Variants in DPH6 observed in about 807,000 individuals in gnomAD.
The protein encoded by DPH6 is diphthine--ammonia ligase.
DPH6 carries 33 observed loss-of-function variants against 38.2 expected under a neutral mutation model. The ratio of observed to expected loss-of-function variants is 0.86; its 90% CI spans 0.65 to 1.15. DPH6 has a LOEUF of 1.15. Among genes scored for constraint, DPH6 ranks in the 50% most tolerant of loss-of-function variants. The probability of loss-of-function intolerance (pLI) is 0.00; values close to 1 mark genes in which losing one functional copy is unlikely to be tolerated. For synonymous variants in DPH6, 108 were observed against 103.0 expected (o/e 1.05, Z -0.30); for missense variants, 325 against 320.0 (o/e 1.02, Z -0.12).
rs1006954902 is a variant in DPH6, at chr15:35,411,143, T to C, written c.506-247A>G. Among the ~76,000 whole-genome samples the C allele has an allele frequency of 2.6e-5, 4 of 151,822 alleles. No individual in the cohort carries two copies. In the East Asian group the frequency reaches 7.8e-4, roughly 29 times the overall value. On this transcript the variant is annotated intron_variant, in intron 5 of 8. Transcript: ENST00000256538. The stretch of plus-strand genomic sequence containing the variant: ...TGCACTGTGTCAACTACCAGACGCA[T>C]TGTTTCAATTCCTTTATCCATTTTG...
At chr15:35,384,998 C>A (rs190303629) in intron 6 of DPH6, among the ~76,000 whole-genome samples, 3 of 152,170 alleles carry the variant, frequency 2.0e-5, no homozygotes, top group East Asian at 3.9e-4. Context: ...ATTTATGCGG[C>A]CAACAAACAT....
At chr15:35,301,260 G>T (rs1346170098) in intron 3 of DPH6, among the ~76,000 whole-genome samples, 1 of 152,174 alleles carries the variant, frequency 6.6e-6, no homozygotes, top group Non-Finnish European at 1.5e-5. Flanking sequence ...AAAGTGAAAG[G>T]AGGAGCTATT....
chr15:35,422,307 G>C (rs1421623327), intron 5 of DPH6, among the ~76,000 whole-genome samples: 1 of 151,844 alleles, frequency 6.6e-6, no homozygotes, highest in South Asian at 2.1e-4. Context: ...TAGATGAAAT[G>C]AGAAGAGAAG....
At chr15:35,483,884 G>A (rs920841984) in intron 3 of DPH6, among the ~76,000 whole-genome samples, 1 of 152,148 alleles carries the variant, frequency 6.6e-6, no homozygotes, top group East Asian at 1.9e-4. Context: ...TGTGTACAAC[G>A]TGAATGAACC....
intron 6 of DPH6, chr15:35,401,611 C>G (rs987101149): frequency 1.3e-6 from 1 of 762,122 alleles, no homozygotes; most frequent in African/African-American, 1.7e-5. Context: ...TTACAACAAT[C>G]ATCTTCGAAT....
intron 3 of DPH6, among the ~76,000 whole-genome samples, chr15:35,502,739 G>C (rs1385559212): frequency 1.3e-5 from 2 of 151,450 alleles, no homozygotes. Flanking sequence ...GCAACAATAT[G>C]TTACACAGTT....
intron 6 of DPH6, among the ~76,000 whole-genome samples, chr15:35,385,772 A>T (rs895217427): frequency 1.3e-5 from 2 of 152,194 alleles, no homozygotes; most frequent in Non-Finnish European, 2.9e-5. Flanking sequence ...ATAATAATAA[A>T]AAAAGGCAAT....
chr15:35,342,619 C>T (rs910675342), intron 3 of DPH6, among the ~76,000 whole-genome samples: 4 of 152,184 alleles, frequency 2.6e-5, no homozygotes, highest in African/African-American at 9.7e-5. Context: ...GCCATGTTGG[C>T]CCCTCCAAAG....
intron 3 of DPH6, among the ~76,000 whole-genome samples, chr15:35,468,574 G>T (rs140208909): frequency 6.6e-6 from 1 of 152,076 alleles, no homozygotes; most frequent in African/African-American, 2.4e-5. Flanking sequence ...TGGGGTGGGG[G>T]TCAAGACTAA....
intron 3 of DPH6, among the ~76,000 whole-genome samples, chr15:35,288,630 C>T (rs938912491): frequency 2.6e-5 from 4 of 152,170 alleles, no homozygotes; most frequent in African/African-American, 9.6e-5. Flanking sequence ...CTGTGACCTG[C>T]CCGTGGGACA....
chr15:35,192,815 A>T, the DPH6 span, among the ~76,000 whole-genome samples: 5 of 152,200 alleles, frequency 3.3e-5, no homozygotes, highest in African/African-American at 1.2e-4. Context: ...ATTTATTTCT[A>T]CTACATTTAT....
intron 3 of DPH6, among the ~76,000 whole-genome samples, chr15:35,292,386 A>G (rs973690179): frequency 6.6e-6 from 1 of 152,160 alleles, no homozygotes; most frequent in Non-Finnish European, 1.5e-5. Context: ...TTACTCTGAA[A>G]GATATCTAGC....
chr15:35,503,503 A>G (rs1430705741), intron 3 of DPH6, among the ~76,000 whole-genome samples: 1 of 152,116 alleles, frequency 6.6e-6, no homozygotes, highest in East Asian at 1.9e-4. Context: ...AAGACCATGG[A>G]GAAAAACAGC....
chr15:35,339,540 G>A (rs553409730), intron 3 of DPH6, among the ~76,000 whole-genome samples: 7 of 152,064 alleles, frequency 4.6e-5, no homozygotes, highest in East Asian at 1.9e-4. Context: ...GGCCAGGCTC[G>A]TCTCGAACTC....
the DPH6 span, among the ~76,000 whole-genome samples, chr15:35,193,821 C>A: frequency 6.6e-6 from 1 of 151,966 alleles, no homozygotes; most frequent in Non-Finnish European, 1.5e-5. Flanking sequence ...ACAATGACAA[C>A]CATTTGTGAA....
intron 3 of DPH6, among the ~76,000 whole-genome samples, chr15:35,322,921 T>C (rs756825221): frequency 5.9e-5 from 9 of 152,128 alleles, no homozygotes; most frequent in Non-Finnish European, 1.2e-4. Context: ...CATGTTTATC[T>C]CAGGTTATAC....
intron 3 of DPH6, among the ~76,000 whole-genome samples, chr15:35,288,339 A>C (rs1271734333): frequency 6.6e-6 from 1 of 152,212 alleles, no homozygotes; most frequent in Non-Finnish European, 1.5e-5. Context: ...CTTTTAGGGA[A>C]GATTTTACTT....
At chr15:35,398,503 T>A (rs1218612655) in intron 6 of DPH6, among the ~76,000 whole-genome samples, 1 of 147,632 alleles carries the variant, frequency 6.8e-6, no homozygotes, top group Non-Finnish European at 1.5e-5. Context: ...GCTGATCACA[T>A]GGAGCTGCCT....
At chr15:35,212,918 A>G (rs2051394802), downstream of DPH6, among the ~76,000 whole-genome samples, 1 of 152,268 alleles carries the variant, frequency 6.6e-6, no homozygotes, top group Admixed American at 6.5e-5. Flanking sequence ...AGAGAAGAAG[A>G]TTATTCAAAA....
Sources: gnomAD v4.1 joint callset for allele counts (sites outside exome capture counted in the v4.1 genomes callset) on GRCh38, gnomAD v4.1.1 for gene constraint, MANE v1.5 for transcripts, NCBI Gene and HGNC (gene_info 2026-07-23, HGNC 2026-07-21) for gene names.